Variants in MRTFB observed in about 807,000 individuals in gnomAD.
MRTFB encodes the protein myocardin related transcription factor B.
Under a neutral mutation model 104.2 loss-of-function variants are expected in MRTFB, and 29 were observed. The ratio of observed to expected loss-of-function variants is 0.28; its 90% CI spans 0.21 to 0.38. The LOEUF (loss-of-function observed/expected upper bound fraction) is 0.38, where lower values mean the gene tolerates loss of function less well. Ranked by LOEUF, MRTFB falls within the 10% of genes least tolerant of loss-of-function variation. The pLI, the probability that MRTFB is intolerant of heterozygous loss-of-function variation, is 1.00. For missense variants in MRTFB, 1,270 were observed against 1,341.6 expected (o/e 0.95, Z 0.83); for synonymous variants, 535 against 519.5 (o/e 1.03, Z -0.41).
At chr16:14,250,991 T>C (rs1005250812) in intron 13 of MRTFB, among the ~76,000 whole-genome samples, 2 of 152,272 alleles carry the variant, frequency 1.3e-5, no homozygotes, top group Middle Eastern at 3.4e-3. Context: ...TTGAGATACC[T>C]AAGATGATGA....
chr16:14,195,966 T>C (rs1343757968), intron 3 of MRTFB, among the ~76,000 whole-genome samples: 1 of 152,272 alleles, frequency 6.6e-6, no homozygotes, highest in Non-Finnish European at 1.5e-5. Context: ...GCATTGTTGG[T>C]GATCAATTAA....
intron 2 of MRTFB, among the ~76,000 whole-genome samples, chr16:14,125,166 G>C (rs1184800271): frequency 6.6e-6 from 1 of 152,232 alleles, no homozygotes; most frequent in African/African-American, 2.4e-5. Flanking sequence ...GTGCTAAAGA[G>C]AAAGAGACTG....
In MRTFB at chr16:14,247,176, A is replaced by C; in HGVS notation, c.1916A>C (p.Lys639Thr). The C allele has an allele frequency of 6.2e-7, 1 of 1,614,132 alleles. No homozygotes were observed. Among genetic ancestry groups the C allele is most frequent in the Non-Finnish European group, 8.5e-7 (1 of 1,180,026 alleles). The change falls in exon 12 of 17, where the codon AAA (lysine) becomes ACA (threonine). Residue 639 changes from lysine to threonine, a missense_variant. Coordinates refer to ENST00000571589, the MANE Select transcript of MRTFB (RefSeq NM_001308142.2). ...CACGGCAGCCTTGGCTCCTCCATCA[A>C]AGATGAGGCCTCACTCCCTGACTGC... ...QKHGSLGSSIKDEASLPDCSS... is the reference protein window; with the variant it reads ...QKHGSLGSSITDEASLPDCSS...
intron 2 of MRTFB, among the ~76,000 whole-genome samples, chr16:14,091,994 C>CAAAAAAA (rs10523985): frequency 2.4e-5 from 2 of 82,072 alleles, no homozygotes; most frequent in Non-Finnish European, 5.5e-5. Context: ...GACTTCATCT[C>CAAAAAAA]AAAAAAAAAA....
At chr16:14,118,120 C>CT (rs371065251) in intron 2 of MRTFB, among the ~76,000 whole-genome samples, 2,697 of 135,362 alleles carry the variant, frequency 0.02, 60 homozygotes, top group South Asian at 0.059. Flanking sequence ...ATTCCCTCAT[C>CT]TTTTTTTTTT....
chr16:14,018,288 A>G, the MRTFB span, among the ~76,000 whole-genome samples: 9 of 152,164 alleles, frequency 5.9e-5, no homozygotes, highest in Non-Finnish European at 2.9e-5. Flanking sequence ...AGTTTCCCCA[A>G]TTAGAAAAAA....
intron 1 of MRTFB, among the ~76,000 whole-genome samples, chr16:14,077,789 G>A (rs1402487930): frequency 6.6e-6 from 1 of 151,976 alleles, no homozygotes; most frequent in African/African-American, 2.4e-5. Context: ...CATGGGCTGA[G>A]GTTGCCATTC....
intron 2 of MRTFB, among the ~76,000 whole-genome samples, chr16:14,081,969 A>C (rs2034440323): frequency 6.6e-6 from 1 of 152,194 alleles, no homozygotes; most frequent in Admixed American, 6.5e-5. Context: ...TAGTTTGCAG[A>C]TATTTTCTCC....
chr16:13,998,936 T>C, the MRTFB span, among the ~76,000 whole-genome samples: 40 of 121,498 alleles, frequency 3.3e-4, no homozygotes, highest in Non-Finnish European at 6.2e-4. Context: ...CTCACACCTA[T>C]AGTCCTAGCA....
rs190775084 is a variant in MRTFB, at chr16:14,124,899, A to G, written c.-63-15645A>G. Among the ~76,000 whole-genome samples the G allele has an allele frequency of 3.9e-3, 589 of 152,274 alleles. 1 individual carries two copies. The highest frequency in any genetic ancestry group is 6.8e-3 in the South Asian group (33 of 4,830). ...GGTTGTTTTCAGTTTTTTTTCCTAT[A>G]AAATATTTTTTAACCACTACAGTAT... On this transcript the variant is annotated intron_variant, in intron 2 of 16. Coordinates refer to ENST00000571589, the MANE Select transcript of MRTFB (RefSeq NM_001308142.2).
the MRTFB span, among the ~76,000 whole-genome samples, chr16:14,039,733 A>G: frequency 6.8e-6 from 1 of 148,044 alleles, no homozygotes; most frequent in Non-Finnish European, 1.5e-5. Flanking sequence ...CTATTATTGT[A>G]TAACTTTTTT....
chr16:14,206,309 C>T (rs2040938450), intron 3 of MRTFB, among the ~76,000 whole-genome samples: 1 of 152,174 alleles, frequency 6.6e-6, no homozygotes, highest in Admixed American at 6.5e-5. Flanking sequence ...GACAATTAAG[C>T]TGTCTATCAT....
intron 13 of MRTFB, 120 bp downstream of exon 13, chr16:14,249,201 A>G (rs2043152828): frequency 1.7e-6 from 2 of 1,211,110 alleles, no homozygotes; most frequent in Non-Finnish European, 2.3e-6. Flanking sequence ...TCTGTGATCC[A>G]TCTCCCATAG....
chr16:14,078,350 A>G (rs541257800), intron 1 of MRTFB, among the ~76,000 whole-genome samples: 84 of 151,416 alleles, frequency 5.5e-4, no homozygotes, highest in Non-Finnish European at 1.0e-3. Context: ...TTTTTGCTTT[A>G]TATTATGTGT....
At position 14,189,491 on chromosome 16, in the gene MRTFB, A is replaced by C. The variant is rs1188012412; in HGVS notation, c.155-20752A>C. ...CTCTAAAATACCCTGGAGTCTAATT[A>C]GATTTGTGCTGTTTTGTCAAAAGAG... On this transcript the variant is annotated intron_variant, in intron 3 of 16. Transcript: ENST00000571589. Among the ~76,000 whole-genome samples the C allele has an allele frequency of 2.6e-5, 4 of 152,360 alleles. No individual in the cohort carries two copies. In the East Asian group the frequency reaches 7.7e-4, roughly 29 times the overall value.
At chr16:14,016,740 T>G in the MRTFB span, among the ~76,000 whole-genome samples, 2 of 118,374 alleles carry the variant, frequency 1.7e-5, no homozygotes, top group Non-Finnish European at 3.2e-5. Context: ...ACCACTGCAC[T>G]CCATCGTGGG....
At chr16:14,251,822 C>T (rs1029253739) in intron 13 of MRTFB, 40 bp from the exon 14 acceptor site, 36 of 1,600,830 alleles carry the variant, frequency 2.2e-5, no homozygotes, top group Non-Finnish European at 2.9e-5. Flanking sequence ...TTAAGAAAAG[C>T]CAAAGAACAA....
rs1231720025 is a variant in MRTFB at position 14,210,405 on chromosome 16, A to AT, written c.220+100dup. ...TCTTGCTCTGCTTTCAGTTGTATCC[A>AT]TTTAATCAACAAACAATTACCAAAT... On this transcript the variant is annotated intron_variant, in intron 4 of 16. Coordinates refer to ENST00000571589, the MANE Select transcript of MRTFB (RefSeq NM_001308142.2). The AT allele has an allele frequency of 5.7e-6, 5 of 879,516 alleles. No homozygotes were observed. In the East Asian group the frequency reaches 1.0e-4, roughly 18 times the overall value. The allele number at this position is 879,516 out of a possible 1,614,324, so 54.5% of individuals were successfully genotyped here.
chr16:14,077,254 G>C (rs2034119780), intron 1 of MRTFB, among the ~76,000 whole-genome samples: 2 of 152,114 alleles, frequency 1.3e-5, no homozygotes. Context: ...CTAAATCTCT[G>C]ATCCACTTAG....
Sources: gnomAD v4.1 joint callset for allele counts (sites outside exome capture counted in the v4.1 genomes callset) on GRCh38, gnomAD v4.1.1 for gene constraint, MANE v1.5 for transcripts, NCBI Gene and HGNC (gene_info 2026-07-23, HGNC 2026-07-21) for gene names.